Variants in WDR7 observed in about 807,000 individuals in gnomAD.
WDR7 encodes WD repeat-containing protein 7.
WDR7 carries 46 observed loss-of-function variants against 169.4 expected under a neutral mutation model. The ratio of observed to expected loss-of-function variants is 0.27; its 90% CI spans 0.21 to 0.35. The LOEUF (loss-of-function observed/expected upper bound fraction) is 0.35. Ranked by LOEUF, WDR7 falls within the 10% of genes least tolerant of loss-of-function variation. The pLI is 1.00. For synonymous variants in WDR7, 612 were observed against 666.8 expected, an observed-to-expected ratio of 0.92 and a Z score of 1.27; for missense variants, 1,534 against 1,859.3, an observed-to-expected ratio of 0.83 and a Z score of 3.22.
Position 56,679,368 on chromosome 18 carries a change from T to A in WDR7, c.196T>A (p.Ser66Thr). The change falls in exon 3 of 28, where the codon TCA becomes ACA. Residue 66 changes from serine (S) to threonine (T), a missense_variant. Transcript: ENST00000254442. The part of the protein sequence containing the change: ...PRALLFGHTA[S>T]ITCLSKACAS... The stretch of plus-strand genomic sequence containing the variant: ...AGCACTGTTGTTTGGTCATACAGCA[T>A]CAATCACTTGTTTGTCTAAAGCTTG... The A allele has an allele frequency of 6.2e-7, 1 of 1,612,706 alleles. No individual in the cohort carries two copies. Among genetic ancestry groups the A allele is most frequent in the Non-Finnish European group, 8.5e-7 (1 of 1,178,780 alleles).
chr18:56,696,142 T>C, intron 11 of WDR7, 100 bp from the exon 12 acceptor site: 1 of 989,174 alleles, frequency 1.0e-6, no homozygotes, highest in Non-Finnish European at 1.5e-6. Flanking sequence ...TTTGCTGTGA[T>C]ATAATTTGTA....
intron 21 of WDR7, among the ~76,000 whole-genome samples, chr18:56,914,516 C>T (rs949940833): frequency 1.3e-5 from 2 of 152,158 alleles, no homozygotes; most frequent in African/African-American, 4.8e-5. Context: ...TGAAACCTGG[C>T]TGTTCTCTTG....
intron 9 of WDR7, among the ~76,000 whole-genome samples, chr18:56,692,195 A>G (rs2144622295): frequency 6.6e-6 from 1 of 152,334 alleles, no homozygotes; most frequent in East Asian, 1.9e-4. Context: ...CTGAGTAATA[A>G]TAGTTCCTTT....
chr18:56,754,397 A>G (rs1000030730), intron 14 of WDR7, among the ~76,000 whole-genome samples: 2 of 147,498 alleles, frequency 1.4e-5, no homozygotes, highest in African/African-American at 5.1e-5. Context: ...ATATACGTGT[A>G]TATATACACA....
chr18:56,880,305 G>A, intron 21 of WDR7, 140 bp downstream of exon 21: 1 of 767,514 alleles, frequency 1.3e-6, no homozygotes, highest in Non-Finnish European at 2.1e-6. Context: ...GTACAATCTG[G>A]CACATTTCCC....
intron 20 of WDR7, among the ~76,000 whole-genome samples, chr18:56,861,384 G>A (rs2045802455): frequency 6.6e-6 from 1 of 152,160 alleles, no homozygotes; most frequent in South Asian, 2.1e-4. Context: ...TCAGCACTAA[G>A]GCTATTGATA....
chr18:56,686,143 A>G, intron 6 of WDR7, 111 bp downstream of exon 6: 1 of 888,250 alleles, frequency 1.1e-6, no homozygotes, highest in Admixed American at 3.3e-5. Context: ...AAAAGTGATT[A>G]TTTTTTGATA....
chr18:56,885,864 AC>A (rs2046185024), intron 21 of WDR7, among the ~76,000 whole-genome samples: 1 of 151,842 alleles, frequency 6.6e-6, no homozygotes, highest in South Asian at 2.1e-4. Context: ...GAACTCGAAC[AC>A]AAGGTTTTTG....
Position 56,757,237 on chromosome 18 carries a change from G to A in WDR7, c.2644G>A (p.Val882Met). ...SEGVGKGTYG[V>M]SRAVTTQHLL... is the part of the protein sequence containing the mutation. ...GGGAGTAGGAAAGGGAACTTACGGA[G>A]TGTCCCGTGCCGTCACCACACAGCA... The change falls in exon 15 of 28, where the codon GTG (valine) becomes ATG (methionine). Residue 882 changes from valine to methionine, a missense_variant. Physicochemically the swap from Val to Met is conservative, Grantham distance 21 (BLOSUM62 1). Transcript: ENST00000254442. 6.2e-7 allele frequency: 1 copy of A among 1,614,092 alleles called. No homozygotes were observed. Among genetic ancestry groups the A allele is most frequent in the Non-Finnish European group, 8.5e-7 (1 of 1,180,022 alleles).
chr18:56,898,270 A>G (rs1282898668), intron 21 of WDR7, among the ~76,000 whole-genome samples: 1 of 152,058 alleles, frequency 6.6e-6, no homozygotes, highest in Admixed American at 6.6e-5. Flanking sequence ...AAATAAATAA[A>G]TGAAGGATAA....
At chr18:56,851,246 G>A (rs1401403231) in intron 20 of WDR7, among the ~76,000 whole-genome samples, 1 of 151,998 alleles carries the variant, frequency 6.6e-6, no homozygotes, top group East Asian at 1.9e-4. Flanking sequence ...GACTTTCTCT[G>A]TGGTTAGTTC....
chr18:56,663,889 G>A (rs964670413), intron 1 of WDR7, among the ~76,000 whole-genome samples: 1 of 151,910 alleles, frequency 6.6e-6, no homozygotes, highest in Admixed American at 6.6e-5. Flanking sequence ...AACAACATGA[G>A]GTAACAGGGT....
At chr18:56,817,807 G>A (rs910530176) in intron 20 of WDR7, among the ~76,000 whole-genome samples, 14 of 150,606 alleles carry the variant, frequency 9.3e-5, no homozygotes, top group South Asian at 8.4e-4. Flanking sequence ...GTGCAGTGGC[G>A]CGATCTCGGC....
chr18:56,785,016 C>G (rs1024030499), intron 19 of WDR7, among the ~76,000 whole-genome samples: 4 of 151,940 alleles, frequency 2.6e-5, no homozygotes, highest in Non-Finnish European at 4.4e-5. Flanking sequence ...GGAACTTCTA[C>G]ATTGACTGAG....
At chr18:56,831,673 A>C (rs2045311054) in intron 20 of WDR7, among the ~76,000 whole-genome samples, 1 of 151,976 alleles carries the variant, frequency 6.6e-6, no homozygotes, top group African/African-American at 2.4e-5. Flanking sequence ...CAGTGGGTGC[A>C]GCCCATGGAC....
chr18:57,019,721 G>A (rs1366931629), intron 26 of WDR7, among the ~76,000 whole-genome samples: 4 of 151,868 alleles, frequency 2.6e-5, no homozygotes, highest in Non-Finnish European at 4.4e-5. Flanking sequence ...CCTGTGGGCC[G>A]AAACACATAA....
At chr18:56,722,360 G>A (rs1399582521) in intron 13 of WDR7, among the ~76,000 whole-genome samples, 4 of 152,176 alleles carry the variant, frequency 2.6e-5, no homozygotes, top group African/African-American at 7.2e-5. Context: ...TGTTATTAGT[G>A]GAGGGTTTTA....
At chr18:56,837,166 T>C (rs915555650) in intron 20 of WDR7, among the ~76,000 whole-genome samples, 2 of 152,234 alleles carry the variant, frequency 1.3e-5, no homozygotes, top group Admixed American at 1.3e-4. Flanking sequence ...GTCAATATAA[T>C]TGGCTCTTTC....
At position 56,795,525 on chromosome 18, in the gene WDR7, G is replaced by A. The variant is rs1406701412; in HGVS notation, c.3190+13869G>A. ...AGAAGTTTTACTTAATTTGATTAACGTTACATCTGTATTTACTTTCCCTCA... is the reference window on the plus strand; with the variant it reads ...AGAAGTTTTACTTAATTTGATTAACATTACATCTGTATTTACTTTCCCTCA... On this transcript the variant is annotated intron_variant, in intron 19 of 27. Coordinates refer to ENST00000254442, the MANE Select transcript of WDR7 (RefSeq NM_015285.3). Among the ~76,000 whole-genome samples the A allele has an allele frequency of 1.4e-4, 22 of 151,994 alleles. 1 individual carries two copies. Among genetic ancestry groups the A allele is most frequent in the Admixed American group, 1.4e-3 (21 of 15,246 alleles).
Sources: gnomAD v4.1 joint callset for allele counts (sites outside exome capture counted in the v4.1 genomes callset) on GRCh38, gnomAD v4.1.1 for gene constraint, MANE v1.5 for transcripts, NCBI Gene and HGNC (gene_info 2026-07-23, HGNC 2026-07-21) for gene names.